The following ABCB9 variants were observed in gnomAD, a reference collection of about 807,000 sequenced individuals.
ABCB9 encodes ATP binding cassette subfamily B member 9.
In ABCB9, 36 loss-of-function variants were observed where a neutral mutation model predicts 62.0. The observed-to-expected ratio is 0.58, with a 90% CI of 0.45 to 0.77. ABCB9 has a LOEUF of 0.77. ABCB9 is among the 30% of genes least tolerant of loss of function. ABCB9 has a pLI of 0.00. For missense variants in ABCB9, 943 were observed against 1,054.7 expected (o/e 0.89, Z 1.47); for synonymous variants, 435 against 461.4 (o/e 0.94, Z 0.73).
intron 2 of ABCB9, among the ~76,000 whole-genome samples, chr12:122,955,900 C>T (rs1429921050): frequency 3.9e-5 from 6 of 151,942 alleles, no homozygotes; most frequent in South Asian, 4.2e-4. Flanking sequence ...TTAGTAGAGA[C>T]GGGGTTTTGC....
intron 6 of ABCB9, 130 bp downstream of exon 6, chr12:122,945,895 A>AAG: frequency 5.3e-6 from 5 of 947,734 alleles, no homozygotes; most frequent in Non-Finnish European, 6.1e-6. Flanking sequence ...AAAAAAAAAA[A>AAG]AAAGAAAGAC....
At chr12:122,926,570 C>A (rs912564095), downstream of ABCB9, among the ~76,000 whole-genome samples, 4 of 151,462 alleles carry the variant, frequency 2.6e-5, no homozygotes, top group Non-Finnish European at 5.9e-5. Flanking sequence ...AAAAACCCTG[C>A]CAAAATAAAA....
chr12:122,921,887 T>C (rs1309510777), intron 11 of ABCB9, among the ~76,000 whole-genome samples: 1 of 152,150 alleles, frequency 6.6e-6, no homozygotes, highest in African/African-American at 2.4e-5. Flanking sequence ...CTTCCTTACC[T>C]GGGGCCAGAA....
chr12:122,962,648 T>C (rs2036968236), intron 1 of ABCB9, among the ~76,000 whole-genome samples: 1 of 152,190 alleles, frequency 6.6e-6, no homozygotes, highest in East Asian at 1.9e-4. Flanking sequence ...TCAGTGAGTG[T>C]AGGACCCCAG....
In ABCB9 at chr12:122,940,277, G is replaced by T; in HGVS notation, c.1577C>A (p.Ser526Tyr). Residue 526 changes from serine to tyrosine, a missense_variant, in exon 9 of 12, where the codon TCC becomes TAC. Ser to Tyr is a moderately radical substitution (Grantham distance 144). Transcript: ENST00000280560. The surrounding 1 kb of genome is among the most constrained non-coding windows in gnomAD (Gnocchi z 4.8). ...RPHTQVLQNV[S>Y]FSLSPGKVTA... Reference sequence around the variant, plus strand: ...CACCTTGCCGGGGGACAGGCTGAAGGAGACATTCTGCAAAGAACACACAGG... The same window carrying T: ...CACCTTGCCGGGGGACAGGCTGAAGTAGACATTCTGCAAAGAACACACAGG... The T allele has an allele frequency of 6.3e-7, 1 of 1,593,868 alleles. No individual in the cohort carries two copies. Among genetic ancestry groups the T allele is most frequent in the South Asian group, 1.1e-5 (1 of 88,394 alleles).
At chr12:122,969,882 G>C (rs2037251078), upstream of ABCB9, among the ~76,000 whole-genome samples, 1 of 152,172 alleles carries the variant, frequency 6.6e-6, no homozygotes, top group Non-Finnish European at 1.5e-5. Flanking sequence ...CAGCGATGAG[G>C]AACAACAGGG....
In ABCB9 at chr12:122,940,978, G is replaced by A. The variant is rs754229190; in HGVS notation, c.1398C>T (p.Tyr466=). ...CCCCCACTCCCTGCATCAGGCCACT[G>A]TAGACGGAGCCCACGGACTGGGGAG... ...GDCMESVGSV[Y]SGLMQGVGAA... Residue 466 remains tyrosine, a synonymous_variant, in exon 8 of 12, where the codon TAC becomes TAT. Coordinates refer to ENST00000280560, the MANE Select transcript of ABCB9 (RefSeq NM_019625.4). The surrounding 1 kb of genome is among the most constrained non-coding windows in gnomAD (Gnocchi z 4.8). The A allele has an allele frequency of 1.9e-6, 3 of 1,607,828 alleles. No individual in the cohort carries two copies. The highest frequency in any genetic ancestry group is 2.6e-6 in the Non-Finnish European group (3 of 1,175,672).
At position 122,959,804 on chromosome 12, in the gene ABCB9, G is replaced by T; in HGVS notation, c.432C>A (p.Thr144=). ...WWLLSTVRPG[T]QALEPGAATE... ...TGGCCGCCCCTGGCTCCAGGGCCTG[G>T]GTGCCTGGCCGCACGGTGGACAGCA... Residue 144 remains threonine, a synonymous_variant, in exon 2 of 12, where the codon ACC becomes ACA. Coordinates refer to ENST00000280560, the MANE Select transcript of ABCB9 (RefSeq NM_019625.4). This position sits in a 1 kb window ranked among gnomAD's most constrained non-coding sequence, Gnocchi z 5.4. 1 of 1,612,402 alleles carries T rather than the reference G, an allele frequency of 6.2e-7. No individual in the cohort carries two copies. Among genetic ancestry groups the T allele is most frequent in the South Asian group, 1.1e-5 (1 of 91,062 alleles).
chr12:122,937,129 G>A (rs926264389), intron 9 of ABCB9, among the ~76,000 whole-genome samples: 4 of 151,962 alleles, frequency 2.6e-5, no homozygotes, highest in African/African-American at 7.2e-5. Flanking sequence ...AGGCCAAGGC[G>A]GGTGGATCAC....
chr12:122,962,995 T>C (rs1251481711), intron 1 of ABCB9, among the ~76,000 whole-genome samples: 4 of 152,080 alleles, frequency 2.6e-5, no homozygotes, highest in African/African-American at 9.7e-5. Context: ...ACATTCAATA[T>C]AGAAAATGCT....
intron 11 of ABCB9, among the ~76,000 whole-genome samples, chr12:122,921,275 G>A (rs1318833878): frequency 1.3e-5 from 2 of 152,014 alleles, no homozygotes; most frequent in Non-Finnish European, 2.9e-5. Context: ...AATTAGCCAG[G>A]CATGGTGGCA....
chr12:122,960,056 CAGG>C lies in ABCB9; in HGVS notation c.177_179del (p.Cys59_Leu60delinsTrp). 1 of 1,613,524 alleles carries C rather than the reference CAGG, an allele frequency of 6.2e-7. No homozygotes were observed. The highest frequency in any genetic ancestry group is 8.5e-7 in the Non-Finnish European group (1 of 1,180,046). ...CCACACCAATGGTGGCTCCCAGCAG[CAGG>C]CAGCTGCGGTACAGGCAGGCTGCCC... On this transcript the variant is annotated inframe_deletion, in exon 2 of 12. Coordinates refer to ENST00000280560, the MANE Select transcript of ABCB9 (RefSeq NM_019625.4).
intron 6 of ABCB9, among the ~76,000 whole-genome samples, chr12:122,945,290 C>T (rs2035973508): frequency 6.6e-6 from 1 of 152,194 alleles, no homozygotes; most frequent in Admixed American, 6.5e-5. Flanking sequence ...ACTCCAAACC[C>T]TCCTCATTCC....
At chr12:122,924,391 G>A, downstream of ABCB9, 1 of 227,322 alleles carries the variant, frequency 4.4e-6, no homozygotes, top group Non-Finnish European at 9.0e-6. Flanking sequence ...TAGAGACAGG[G>A]TCATGCTCTG....
rs1456872345 is a variant in ABCB9 at position 122,959,026 on chromosome 12, C to A, written c.601+609G>T. Among the ~76,000 whole-genome samples the A allele has an allele frequency of 6.7e-6, 1 of 148,502 alleles. No homozygotes were observed. Among genetic ancestry groups the A allele is most frequent in the Non-Finnish European group, 1.5e-5 (1 of 67,010 alleles). ...CTGGGATTACAGGCGTGAGCCACCG[C>A]GCCTGGCCTATTTTTTCGTTTTAAA... On this transcript the variant is annotated intron_variant, in intron 2 of 11. Transcript: ENST00000280560. The surrounding 1 kb of genome is among the most constrained non-coding windows in gnomAD (Gnocchi z 5.4).
chr12:122,964,125 G>A lies in ABCB9; in HGVS notation c.-88+2162C>T, dbSNP rs745365055. ...TGCTCTCCTCGTGGTGGGCACATGGGGTCCCTCAGTCCCCAGAAAGGGGCT... is the reference window on the plus strand; with the variant it reads ...TGCTCTCCTCGTGGTGGGCACATGGAGTCCCTCAGTCCCCAGAAAGGGGCT... On this transcript the variant is annotated intron_variant, in intron 1 of 11. Transcript: ENST00000280560. This position sits in a 1 kb window ranked among gnomAD's most constrained non-coding sequence, Gnocchi z 4.7. Among the ~76,000 whole-genome samples the A allele has an allele frequency of 4.6e-5, 7 of 152,126 alleles. No individual in the cohort carries two copies. Among genetic ancestry groups the A allele is most frequent in the Non-Finnish European group, 8.8e-5 (6 of 68,010 alleles).
intron 9 of ABCB9, among the ~76,000 whole-genome samples, chr12:122,939,238 T>C (rs1594001622): frequency 6.6e-6 from 1 of 152,238 alleles, no homozygotes; most frequent in East Asian, 1.9e-4. Flanking sequence ...TAAACATATG[T>C]ATAGTGGGTT....
downstream of ABCB9, among the ~76,000 whole-genome samples, chr12:122,926,269 G>A (rs1283691370): frequency 6.6e-6 from 1 of 152,182 alleles, no homozygotes; most frequent in Non-Finnish European, 1.5e-5. Context: ...ATTAGGCTGG[G>A]CGCAGTGGCT....
In ABCB9 at chr12:122,947,428, C is replaced by G. The variant is rs1369752996; in HGVS notation, c.1053+1196G>C. ...ATGGCTTCCTTTGCTACCCTGGTCT[C>G]AGGTCACCAACACCAAAGGCTCCAA... On this transcript the variant is annotated intron_variant, in intron 5 of 11. Coordinates refer to ENST00000280560, the MANE Select transcript of ABCB9 (RefSeq NM_019625.4). The surrounding 1 kb of genome is among the most constrained non-coding windows in gnomAD (Gnocchi z 6.0). 4.5e-6 allele frequency: 2 copies of G among 444,382 alleles called. No homozygotes were observed. The highest frequency in any genetic ancestry group is 4.0e-5 in the African/African-American group (2 of 49,860). 27.5% of individuals were successfully genotyped at this position (444,382 alleles called of 1,614,324 possible).
Sources: gnomAD v4.1 joint callset for allele counts (sites outside exome capture counted in the v4.1 genomes callset) on GRCh38, gnomAD v4.1.1 for gene constraint, Gnocchi (gnomAD v3.1) non-coding constraint, MANE v1.5 for transcripts, NCBI Gene and HGNC (gene_info 2026-07-23, HGNC 2026-07-21) for gene names.